Variants in ARHGAP26 observed in about 807,000 individuals in gnomAD.
The protein encoded by ARHGAP26 is Rho GTPase activating protein 26, also known as rho GTPase-activating protein 26.
Under a neutral mutation model 104.8 loss-of-function variants are expected in ARHGAP26, and 38 were observed. That is an observed-to-expected ratio of 0.36 (90% CI 0.28 to 0.48). ARHGAP26 has a LOEUF of 0.48. Among genes scored for constraint, ARHGAP26 ranks in the 20% least tolerant of loss-of-function variants. The pLI is 0.99. For missense variants in ARHGAP26, 704 were observed against 947.9 expected, an observed-to-expected ratio of 0.74 and a Z score of 3.38; for synonymous variants, 341 against 340.0, an observed-to-expected ratio of 1.00 and a Z score of -0.03.
At chr5:142,843,074 C>T (rs1056023136) in intron 1 of ARHGAP26, among the ~76,000 whole-genome samples, 8 of 152,174 alleles carry the variant, frequency 5.3e-5, no homozygotes, top group Non-Finnish European at 1.0e-4. Flanking sequence ...CCGCCTTTGG[C>T]AACTTCTTAT....
intron 11 of ARHGAP26, among the ~76,000 whole-genome samples, chr5:142,956,968 CG>C (rs1435129557): frequency 1.3e-5 from 2 of 152,114 alleles, no homozygotes; most frequent in African/African-American, 4.8e-5. Context: ...TCCCACAACA[CG>C]TGAGAATTTT....
intron 20 of ARHGAP26, among the ~76,000 whole-genome samples, chr5:143,157,752 T>C (rs771415838): frequency 1.4e-4 from 21 of 152,194 alleles, no homozygotes; most frequent in Non-Finnish European, 2.9e-4. Flanking sequence ...TATATATAAG[T>C]GTATGGCCAC....
At chr5:143,213,014 A>G (rs1187015530) in intron 21 of ARHGAP26, among the ~76,000 whole-genome samples, 1 of 152,110 alleles carries the variant, frequency 6.6e-6, no homozygotes, top group Non-Finnish European at 1.5e-5. Flanking sequence ...GCTTGGTAGC[A>G]GGCGCCTGTA....
intron 17 of ARHGAP26, among the ~76,000 whole-genome samples, chr5:143,080,895 A>T (rs1789709775): frequency 6.6e-6 from 1 of 152,062 alleles, no homozygotes; most frequent in South Asian, 2.1e-4. Context: ...GATGAAAGAC[A>T]CTGGGGCCTG....
At chr5:142,847,584 G>A (rs144855613) in intron 1 of ARHGAP26, among the ~76,000 whole-genome samples, 2,254 of 152,174 alleles carry the variant, frequency 0.015, 55 homozygotes, top group African/African-American at 0.051. Context: ...CTCAAACTCC[G>A]GACCTCAGGT....
In ARHGAP26 at chr5:142,885,305, A is replaced by G; in HGVS notation, c.392A>G (p.Lys131Arg). 6.2e-7 allele frequency: 1 copy of G among 1,613,504 alleles called. No individual in the cohort carries two copies. Among genetic ancestry groups the G allele is most frequent in the Non-Finnish European group, 8.5e-7 (1 of 1,179,630 alleles). The change falls in exon 5 of 23, where the codon AAA becomes AGA. Residue 131 changes from lysine to arginine, a missense_variant. Physicochemically the swap from Lys to Arg is conservative, Grantham distance 26. Around this residue, in one of 6 missense-constraint regions of ARHGAP26, gnomAD observed 106 missense variants for 120.5 expected, o/e 0.88. Coordinates refer to ENST00000645722, the MANE Select transcript of ARHGAP26 (RefSeq NM_001135608.3). ...KEQIGAAKEA[K>R]KKYDKETEKY... Reference sequence around the variant, plus strand: ...CTTCTCTTTTTTTGCCAGGAAGCCAAAAAGAAGTATGACAAAGAGACAGAA... The same window carrying G: ...CTTCTCTTTTTTTGCCAGGAAGCCAGAAAGAAGTATGACAAAGAGACAGAA...
intron 1 of ARHGAP26, among the ~76,000 whole-genome samples, chr5:142,810,943 G>A (rs988822350): frequency 6.6e-6 from 1 of 152,316 alleles, no homozygotes; most frequent in African/African-American, 2.4e-5. Flanking sequence ...TGTACCAGCT[G>A]TATTCACCAT....
At chr5:142,952,753 AGGCTGGAGTGCAGTGGTGCCATCT>A in intron 11 of ARHGAP26, among the ~76,000 whole-genome samples, 1 of 152,288 alleles carries the variant, frequency 6.6e-6, no homozygotes, top group East Asian at 1.9e-4. Flanking sequence ...TCTATCACCC[AGGCTGGAGTGCAGTGGTGCCATCT>A]CGGCTCACTG....
chr5:143,158,631 T>G (rs1800800214), intron 20 of ARHGAP26, among the ~76,000 whole-genome samples: 1 of 152,234 alleles, frequency 6.6e-6, no homozygotes, highest in Non-Finnish European at 1.5e-5. Flanking sequence ...TATCAAATTC[T>G]CTTCTAATAT....
At chr5:142,785,023 T>A (rs112713873) in intron 1 of ARHGAP26, among the ~76,000 whole-genome samples, 15 of 149,626 alleles carry the variant, frequency 1.0e-4, no homozygotes, top group African/African-American at 3.8e-4. Context: ...GCCTCCCTCC[T>A]GAGTTCATGC....
intron 20 of ARHGAP26, among the ~76,000 whole-genome samples, chr5:143,175,975 G>A (rs781132114): frequency 3.3e-5 from 5 of 152,052 alleles, no homozygotes; most frequent in Non-Finnish European, 7.4e-5. Context: ...TTAGCCGGGC[G>A]TGGTGGTGTG....
In ARHGAP26 at chr5:142,809,129, A is replaced by G. The variant is rs531901182; in HGVS notation, c.154+38214A>G. On this transcript the variant is annotated intron_variant, in intron 1 of 22. Transcript: ENST00000645722. Reference sequence around the variant, plus strand: ...ATGAAATGGTAGTGTTAAATTTTATACTGTAGAAATGTTGAAATGGAACTC... The same window carrying G: ...ATGAAATGGTAGTGTTAAATTTTATGCTGTAGAAATGTTGAAATGGAACTC... Among the ~76,000 whole-genome samples, 40 of 152,296 alleles carry G rather than the reference A, an allele frequency of 2.6e-4. 1 individual carries two copies. In the South Asian group the frequency reaches 5.4e-3, roughly 21 times the overall value.
At chr5:143,056,701 G>A (rs1047166087) in intron 16 of ARHGAP26, among the ~76,000 whole-genome samples, 6 of 152,056 alleles carry the variant, frequency 3.9e-5, no homozygotes, top group African/African-American at 1.4e-4. Flanking sequence ...CTTGTAAAGG[G>A]GCAGAAAGAT....
Position 143,222,633 on chromosome 5 carries a change from A to G in ARHGAP26, c.*187A>G, listed in dbSNP as rs1032664270. The G allele has an allele frequency of 1.1e-5, 5 of 437,856 alleles. No individual in the cohort carries two copies. The highest frequency in any genetic ancestry group is 2.0e-5 in the African/African-American group (1 of 50,880). 27.1% of individuals were successfully genotyped at this position (437,856 alleles called of 1,614,324 possible). ...TCCATGATCATCTCAGCCAACATGC[A>G]TCAGTACTGCAAGAAAAGAAGTCAA... On this transcript the variant is annotated 3_prime_UTR_variant, in exon 23 of 23. Coordinates refer to ENST00000645722, the MANE Select transcript of ARHGAP26 (RefSeq NM_001135608.3).
intron 17 of ARHGAP26, among the ~76,000 whole-genome samples, chr5:143,101,025 G>A (rs1005026258): frequency 3.3e-5 from 5 of 152,126 alleles, no homozygotes; most frequent in Non-Finnish European, 7.3e-5. Context: ...CCTGGGAGGC[G>A]GAGGTTGCAG....
At chr5:142,886,159 T>C (rs1315514965) in intron 5 of ARHGAP26, among the ~76,000 whole-genome samples, 1 of 152,244 alleles carries the variant, frequency 6.6e-6, no homozygotes, top group African/African-American at 2.4e-5. Flanking sequence ...TGTCATCTTA[T>C]TTAACTCAAC....
intron 17 of ARHGAP26, among the ~76,000 whole-genome samples, chr5:143,077,815 C>T (rs540688112): frequency 1.2e-4 from 18 of 152,314 alleles, no homozygotes; most frequent in African/African-American, 4.3e-4. Flanking sequence ...ATTCGGACCA[C>T]CTAGAGGGTT....
intron 1 of ARHGAP26, among the ~76,000 whole-genome samples, chr5:142,828,299 C>A (rs917820196): frequency 6.6e-6 from 1 of 152,178 alleles, no homozygotes; most frequent in African/African-American, 2.4e-5. Context: ...AAAGATTATT[C>A]CTGCACTCTG....
At chr5:142,891,218 G>A (rs1758613519) in intron 5 of ARHGAP26, among the ~76,000 whole-genome samples, 1 of 151,982 alleles carries the variant, frequency 6.6e-6, no homozygotes, top group Admixed American at 6.5e-5. Context: ...ACGATGCAGG[G>A]GGTGGTGGTG....
Sources: gnomAD v4.1 joint callset for allele counts (sites outside exome capture counted in the v4.1 genomes callset) on GRCh38, gnomAD v4.1.1 for gene constraint, gnomAD v4.1.1 regional missense constraint, MANE v1.5 for transcripts, NCBI Gene and HGNC (gene_info 2026-07-23, HGNC 2026-07-21) for gene names.